TMPRSS4: variants seen among roughly 807,000 people sequenced by gnomAD.
TMPRSS4 encodes transmembrane protease serine 4.
Under a neutral mutation model 56.4 loss-of-function variants are expected in TMPRSS4, and 45 were observed. The observed-to-expected ratio is 0.80, with a 90% CI of 0.63 to 1.02. The LOEUF (loss-of-function observed/expected upper bound fraction) is 1.02, where lower values mean the gene tolerates loss of function less well. Ranked by LOEUF, TMPRSS4 falls within the 50% of genes least tolerant of loss-of-function variation. The pLI, the probability that TMPRSS4 is intolerant of heterozygous loss-of-function variation, is 0.00. For synonymous variants in TMPRSS4, 205 were observed against 211.0 expected (o/e 0.97, Z 0.25); for missense variants, 546 against 556.7 (o/e 0.98, Z 0.19).
rs772638518 is a variant in TMPRSS4, at chr11:118,115,219, G to A, written c.1091G>A (p.Gly364Glu). 6 of 1,612,976 alleles carry A rather than the reference G, an allele frequency of 3.7e-6. No individual in the cohort carries two copies. The highest frequency in any genetic ancestry group is 4.2e-6 in the Non-Finnish European group (5 of 1,179,884). ...TRCNADDAYQGEVTEKMMCAG... is the reference protein window; with the variant it reads ...TRCNADDAYQEEVTEKMMCAG... Reference sequence around the variant, plus strand: ...TGCAATGCAGACGATGCGTACCAGGGGGAAGTCACCGAGAAGATGATGTGT... The same window carrying A: ...TGCAATGCAGACGATGCGTACCAGGAGGAAGTCACCGAGAAGATGATGTGT... Residue 364 changes from glycine to glutamate, a missense_variant, in exon 11 of 13, where the codon GGG (glycine) becomes GAG (glutamate). By Grantham distance (98) the Gly-to-Glu change is moderately conservative (BLOSUM62 -2). Coordinates refer to ENST00000437212, the MANE Select transcript of TMPRSS4 (RefSeq NM_019894.4).
intron 2 of TMPRSS4, among the ~76,000 whole-genome samples, chr11:118,096,846 G>GGAAAGAAGGAAAGAAGGAAAGAAAGAAA: frequency 2.8e-5 from 1 of 36,292 alleles, no homozygotes; most frequent in South Asian, 8.3e-4. Context: ...AAGGAAAGAA[G>GGAAAGAAGGAAAGAAGGAAAGAAAGAAA]GAAAGAAAGA....
At chr11:118,078,368 A>G (rs1205379967) in intron 1 of TMPRSS4, among the ~76,000 whole-genome samples, 1 of 152,206 alleles carries the variant, frequency 6.6e-6, no homozygotes, top group Non-Finnish European at 1.5e-5. Flanking sequence ...GCCACTGTCC[A>G]AGGGGGAAGG....
chr11:118,096,438 TC>T (rs1396552246), intron 2 of TMPRSS4, among the ~76,000 whole-genome samples: 1 of 152,096 alleles, frequency 6.6e-6, no homozygotes. Flanking sequence ...AGAAATAGAG[TC>T]AGACATATGA....
chr11:118,085,863 C>G (rs547510159), intron 1 of TMPRSS4, among the ~76,000 whole-genome samples: 1 of 152,152 alleles, frequency 6.6e-6, no homozygotes, highest in Non-Finnish European at 1.5e-5. Context: ...AAGGTGGGCT[C>G]AGATGGACCC....
chr11:118,085,082 G>A lies in TMPRSS4; in HGVS notation c.3+7777G>A, dbSNP rs79388079. Among the ~76,000 whole-genome samples the A allele has an allele frequency of 5.2e-3, 786 of 152,268 alleles. 3 individuals are homozygous for A. The highest frequency in any genetic ancestry group is 8.2e-3 in the Non-Finnish European group (556 of 68,030). ...ATGTGCACGGTGCTGAGCAGGTGGC[G>A]CACCTTACAGAATCTTTCTCCCCAT... is the stretch of plus-strand genomic sequence containing the variant. On this transcript the variant is annotated intron_variant, in intron 1 of 12. Transcript: ENST00000437212.
chr11:118,114,021 C>T (rs886206966), intron 9 of TMPRSS4, among the ~76,000 whole-genome samples: 1 of 152,238 alleles, frequency 6.6e-6, no homozygotes, highest in African/African-American at 2.4e-5. Context: ...CATACTACAG[C>T]TCCCTTCTTG....
chr11:118,104,666 C>G (rs758859244), intron 4 of TMPRSS4, 25 bp from the exon 5 acceptor site: 4 of 1,614,086 alleles, frequency 2.5e-6, no homozygotes, highest in Non-Finnish European at 3.4e-6. Context: ...CCCGTTCCAT[C>G]TAACTCAGGT....
At chr11:118,077,603 A>G (rs1049049235) in intron 1 of TMPRSS4, among the ~76,000 whole-genome samples, 6 of 152,120 alleles carry the variant, frequency 3.9e-5, no homozygotes, top group African/African-American at 1.2e-4. Context: ...CTTTTGCCCA[A>G]TGTCTCCAGG....
At chr11:118,123,956 A>G (rs528553029), downstream of TMPRSS4, among the ~76,000 whole-genome samples, 1 of 152,350 alleles carries the variant, frequency 6.6e-6, no homozygotes, top group South Asian at 2.1e-4. Flanking sequence ...ATATGATCTC[A>G]GTATTAGATG....
At position 118,118,978 on chromosome 11, in the gene TMPRSS4, A is replaced by G. The variant is rs573239425; in HGVS notation, c.*1065A>G. 21 of 985,004 alleles carry G rather than the reference A, an allele frequency of 2.1e-5. No homozygotes were observed. In the African/African-American group the frequency reaches 3.3e-4, roughly 16 times the overall value. The allele number at this position is 985,004 out of a possible 1,614,324, so 61.0% of individuals were successfully genotyped here. ...GCACTCAAAATGGTCAAAGAATTAA[A>G]CCCCATGGACTTTTTTGGCATCTGT... On this transcript the variant is annotated 3_prime_UTR_variant, in exon 13 of 13. Transcript: ENST00000437212.
At chr11:118,083,580 T>C (rs1945320956) in intron 1 of TMPRSS4, among the ~76,000 whole-genome samples, 1 of 152,166 alleles carries the variant, frequency 6.6e-6, no homozygotes, top group African/African-American at 2.4e-5. Flanking sequence ...ATCTACTATG[T>C]CATGAACTTC....
chr11:118,103,078 C>G, intron 3 of TMPRSS4, 23 bp from the exon 4 acceptor site: 1 of 1,613,200 alleles, frequency 6.2e-7, no homozygotes, highest in Non-Finnish European at 8.5e-7. Context: ...CCCTCTCTGC[C>G]TCTCCCTGCA....
At chr11:118,105,084 A>AAAACAC (rs549764594) in intron 5 of TMPRSS4, among the ~76,000 whole-genome samples, 3 of 151,532 alleles carry the variant, frequency 2.0e-5, no homozygotes, top group African/African-American at 7.3e-5. Flanking sequence ...GCTGCCCTCC[A>AAAACAC]ACACACACAC....
chr11:118,083,345 C>T (rs1009690155), intron 1 of TMPRSS4, among the ~76,000 whole-genome samples: 13 of 152,212 alleles, frequency 8.5e-5, no homozygotes, highest in Admixed American at 4.6e-4. Context: ...GTGTTCCACC[C>T]TCTCTTCCGA....
rs566768978 is a variant in TMPRSS4, at chr11:118,097,220, C to T, written c.44-1765C>T. Among the ~76,000 whole-genome samples, 10 of 151,594 alleles carry T rather than the reference C, an allele frequency of 6.6e-5. No individual in the cohort carries two copies. The South Asian group carries it at 2.1e-3, about 32-fold the overall frequency. ...CAAAACAGACAAGTTCTGTCTTCAA[C>T]GAGTCTTCATTTCATGGAGGGGCGG... On this transcript the variant is annotated intron_variant, in intron 2 of 12. Coordinates refer to ENST00000437212, the MANE Select transcript of TMPRSS4 (RefSeq NM_019894.4).
chr11:118,102,030 A>G (rs1270821902), intron 3 of TMPRSS4, among the ~76,000 whole-genome samples: 1 of 151,980 alleles, frequency 6.6e-6, no homozygotes, highest in Non-Finnish European at 1.5e-5. Context: ...TCTGGGGTAC[A>G]CGTGCAGGAT....
In TMPRSS4 at chr11:118,115,537, T is replaced by C. The variant is rs114418786; in HGVS notation, c.1152+257T>C. ...CTTTCACATTCGAAGATGATGTTAC[T>C]GGCCTGGCATGGTGGCTCACGCTTG... On this transcript the variant is annotated intron_variant, in intron 11 of 12. Coordinates refer to ENST00000437212, the MANE Select transcript of TMPRSS4 (RefSeq NM_019894.4). 2,298 of 434,330 alleles carry C rather than the reference T, an allele frequency of 5.3e-3. 60 individuals carry two copies. Among genetic ancestry groups the C allele is most frequent in the African/African-American group, 0.042 (2,115 of 50,932 alleles). The allele number at this position is 434,330 out of a possible 1,614,324, so 26.9% of individuals were successfully genotyped here.
Position 118,115,342 on chromosome 11 carries a change from A to G in TMPRSS4, c.1152+62A>G, listed in dbSNP as rs1947493035. On this transcript the variant is annotated intron_variant, in intron 11 of 12. Coordinates refer to ENST00000437212, the MANE Select transcript of TMPRSS4 (RefSeq NM_019894.4). ...AGGGTTTAGGTCCTAGAGAGATGAG[A>G]AAACCCAGAGGCTGCATGCCCTACA... is the stretch of plus-strand genomic sequence containing the variant. The G allele has an allele frequency of 4.4e-6, 7 of 1,574,056 alleles. No homozygotes were observed. In the Admixed American group the frequency reaches 1.2e-4, roughly 26 times the overall value.
At chr11:118,109,858 G>A (rs957961943) in intron 7 of TMPRSS4, among the ~76,000 whole-genome samples, 11 of 152,226 alleles carry the variant, frequency 7.2e-5, no homozygotes, top group Non-Finnish European at 1.3e-4. Context: ...TACCTAGTGC[G>A]TGGGATCTGA....
Sources: allele counts gnomAD v4.1 joint callset (sites outside exome capture counted in the v4.1 genomes callset), GRCh38; gene constraint gnomAD v4.1.1; transcripts MANE v1.5; gene names NCBI Gene and HGNC (gene_info 2026-07-23, HGNC 2026-07-21).